SYCE1L: variants seen among roughly 807,000 people sequenced by gnomAD.
SYCE1L encodes the protein synaptonemal complex central element protein 1 like, also known as synaptonemal complex central element protein 1-like.
SYCE1L carries 51 observed loss-of-function variants against 39.6 expected under a neutral mutation model. The observed-to-expected ratio is 1.29, with a 90% confidence interval of 1.03 to 1.63. The LOEUF (loss-of-function observed/expected upper bound fraction) is 1.63, where lower values mean the gene tolerates loss of function less well. SYCE1L is among the 40% of genes most tolerant of loss of function. SYCE1L has a pLI of 0.00. For missense variants in SYCE1L, 426 were observed against 304.9 expected (o/e 1.40, Z -2.96); for synonymous variants, 147 against 122.4 (o/e 1.20, Z -1.33).
Position 77,212,284 on chromosome 16 carries a change from A to T in SYCE1L, c.496A>T (p.Arg166Trp). ...RSKEQLLSER[R>W]LVRAKLREVE... ...CCCTGACGCCCGCCCACCGACAGGG[A>T]GGCTGGTGCGCGCCAAGCTGCGGGA... Residue 166 changes from arginine (R) to tryptophan (W), a missense_variant and splice_region_variant, in exon 9 of 11, where the codon AGG (arginine) becomes TGG (tryptophan). Arg to Trp is a moderately radical substitution (Grantham distance 101). Coordinates refer to ENST00000378644, the MANE Select transcript of SYCE1L (RefSeq NM_001129979.3). 6.6e-7 allele frequency: 1 copy of T among 1,520,836 alleles called. No individual in the cohort carries two copies. Among genetic ancestry groups the T allele is most frequent in the Non-Finnish European group, 8.8e-7 (1 of 1,135,108 alleles). 94.2% of individuals were successfully genotyped at this position (1,520,836 alleles called of 1,614,324 possible). A position where few individuals can be genotyped will look rare whatever the true frequency, so the allele number is the denominator to read the frequency against.
intron 1 of SYCE1L, among the ~76,000 whole-genome samples, chr16:77,205,441 T>TATATATATATATGTATATATATATAC (rs1202167300): frequency 6.7e-6 from 1 of 149,400 alleles, no homozygotes; most frequent in Non-Finnish European, 1.5e-5. Flanking sequence ...TAAATATATA[T>TATATATATATATGTATATATATATAC]ATATATATGT....
chr16:77,212,344 G>T lies in SYCE1L; in HGVS notation c.556G>T (p.Glu186Ter). 3 of 1,527,692 alleles carry T rather than the reference G, an allele frequency of 2.0e-6. No individual in the cohort carries two copies. The highest frequency in any genetic ancestry group is 1.2e-5 in the South Asian group (1 of 81,650). The allele number at this position is 1,527,692 out of a possible 1,614,324, so 94.6% of individuals were successfully genotyped here. A position where few individuals can be genotyped will look rare whatever the true frequency, so the allele number is the denominator to read the frequency against. Residue 186 changes from glutamate to a stop codon, truncating the protein, a stop_gained, in exon 9 of 11, where the codon GAG becomes TAG. Coordinates refer to ENST00000378644, the MANE Select transcript of SYCE1L (RefSeq NM_001129979.3). LOFTEE classifies it high-confidence loss of function. Reference protein sequence around the residue: ...ERRLHSPPEVEGAMAVNDGLK... With the variant: ...ERRLHSPPEV ...GCGGCTGCACTCGCCGCCTGAGGTC[G>T]AGGGCGCCATGGCGGTGAATGACGG...
chr16:77,206,467 GA>G lies in SYCE1L; in HGVS notation c.89del (p.Asp30AlafsTer6), dbSNP rs1198372482. ...GCAAGCCAAGTCTTTGAAGACTGAA[GA>G]CTTGCTGGCAATGGTGATAAAGCTG... is the stretch of plus-strand genomic sequence containing the variant. ...EGQAKSLKTE[D>X]LLAMVIKLQK... is the part of the protein sequence containing the mutation. On this transcript the variant is annotated frameshift_variant, in exon 2 of 11. Transcript: ENST00000378644. LOFTEE classifies it high-confidence loss of function. 1 of 1,551,702 alleles carries G rather than the reference GA, an allele frequency of 6.4e-7. No homozygotes were observed. Among genetic ancestry groups the G allele is most frequent in the Admixed American group, 2.0e-5 (1 of 51,004 alleles).
At position 77,199,470 on chromosome 16, in the gene SYCE1L, C is replaced by A; in HGVS notation, c.19C>A (p.Pro7Thr). The A allele has an allele frequency of 6.4e-7, 1 of 1,551,276 alleles. No homozygotes were observed. The change falls in exon 1 of 11, where the codon CCT (proline) becomes ACT (threonine). Residue 7 changes from proline to threonine, a missense_variant. Transcript: ENST00000378644. ...TTGGAAAATGGCGGGGAAGCTGAAA[C>A]CTCTGAATGTGGAGGCGCCAGAAGC... MAGKLK[P>T]LNVEAPEATE...
intron 1 of SYCE1L, among the ~76,000 whole-genome samples, chr16:77,206,139 G>C (rs1228592623): frequency 1.3e-5 from 2 of 152,138 alleles, no homozygotes; most frequent in Non-Finnish European, 2.9e-5. Flanking sequence ...ATCTTGAACA[G>C]CAGCATCAGC....
chr16:77,206,835 T>G (rs2054789045), intron 2 of SYCE1L, among the ~76,000 whole-genome samples: 1 of 151,926 alleles, frequency 6.6e-6, no homozygotes, highest in African/African-American at 2.4e-5. Context: ...GGATGTATAT[T>G]TTTTGTCCTC....
chr16:77,207,782 C>G (rs541222987), intron 2 of SYCE1L, among the ~76,000 whole-genome samples: 1 of 152,144 alleles, frequency 6.6e-6, no homozygotes, highest in Non-Finnish European at 1.5e-5. Flanking sequence ...GTGCCTCACC[C>G]GCTCCTGCCA....
At chr16:77,200,297 C>CAA (rs2054724819) in intron 1 of SYCE1L, 1 of 64,242 alleles carries the variant, frequency 1.6e-5, no homozygotes, top group Non-Finnish European at 3.6e-5. Context: ...TATATACACA[C>CAA]ACTAATCAGC....
intron 4 of SYCE1L, 120 bp from the exon 5 acceptor site, chr16:77,208,977 A>G: frequency 9.2e-7 from 1 of 1,092,728 alleles, no homozygotes; most frequent in Non-Finnish European, 1.4e-6. Flanking sequence ...GGTGGCAAGA[A>G]GATACCTCAC....
chr16:77,208,154 T>C, intron 2 of SYCE1L, 56 bp from the exon 3 acceptor site: 2 of 1,509,536 alleles, frequency 1.3e-6, no homozygotes, highest in East Asian at 4.9e-5. Context: ...CCGTCTGCCT[T>C]GGACAGCCAG....
chr16:77,207,801 G>A (rs533060578), intron 2 of SYCE1L, among the ~76,000 whole-genome samples: 1 of 152,184 alleles, frequency 6.6e-6, no homozygotes, highest in African/African-American at 2.4e-5. Context: ...CACACTACAG[G>A]GAATTTGCAC....
At chr16:77,205,220 G>C (rs2054777696) in intron 1 of SYCE1L, among the ~76,000 whole-genome samples, 1 of 151,650 alleles carries the variant, frequency 6.6e-6, no homozygotes, top group South Asian at 2.1e-4. Context: ...TTGTGGGTAA[G>C]CATTTCTTCA....
At chr16:77,200,274 G>GTATATATATATATATATATATATATATA (rs1229854135) in intron 1 of SYCE1L, 1 of 113,580 alleles carries the variant, frequency 8.8e-6, no homozygotes. Flanking sequence ...ATATATATGT[G>GTATATATATATATATATATATATATATA]TATATATATA....
At chr16:77,205,699 C>T (rs2054781428) in intron 1 of SYCE1L, among the ~76,000 whole-genome samples, 1 of 151,986 alleles carries the variant, frequency 6.6e-6, no homozygotes, top group Non-Finnish European at 1.5e-5. Context: ...CTTTGTATTT[C>T]CTCTGAATTC....
At chr16:77,205,457 T>C (rs2054779767) in intron 1 of SYCE1L, among the ~76,000 whole-genome samples, 2 of 149,924 alleles carry the variant, frequency 1.3e-5, no homozygotes, top group South Asian at 4.2e-4. Context: ...TATGTATACA[T>C]ACATATTTAC....
At chr16:77,212,798 C>T in intron 10 of SYCE1L, 59 bp from the exon 11 acceptor site, 4 of 1,431,374 alleles carry the variant, frequency 2.8e-6, no homozygotes, top group Non-Finnish European at 3.7e-6. Context: ...CTAGGGCAGA[C>T]GCGGGCGGAC....
intron 5 of SYCE1L, 82 bp downstream of exon 5, chr16:77,209,226 C>T (rs776484956): frequency 2.7e-6 from 4 of 1,466,536 alleles, no homozygotes; most frequent in Non-Finnish European, 3.7e-6. Flanking sequence ...CCAGAGGAAT[C>T]CCACTGAAAC....
intron 1 of SYCE1L, chr16:77,200,270 A>AC (rs2054721092): frequency 1.1e-5 from 1 of 95,022 alleles, no homozygotes; most frequent in Non-Finnish European, 2.5e-5. Context: ...ATATATATAT[A>AC]TGTGTATATA....
chr16:77,205,754 G>C (rs950777783), intron 1 of SYCE1L, among the ~76,000 whole-genome samples: 4 of 151,782 alleles, frequency 2.6e-5, no homozygotes, highest in Non-Finnish European at 5.9e-5. Context: ...CCGCTTTTTT[G>C]TTTTTGGTGG....
Sources: gnomAD v4.1 joint callset for allele counts (sites outside exome capture counted in the v4.1 genomes callset) on GRCh38, gnomAD v4.1.1 for gene constraint, MANE v1.5 for transcripts, NCBI Gene and HGNC (gene_info 2026-07-23, HGNC 2026-07-21) for gene names.